GPC5: variants seen among roughly 807,000 people sequenced by gnomAD.
GPC5 encodes glypican-5.
Under a neutral mutation model 53.9 loss-of-function variants are expected in GPC5, and 47 were observed. The ratio of observed to expected loss-of-function variants is 0.87; its 90% CI spans 0.69 to 1.11. The LOEUF (loss-of-function observed/expected upper bound fraction) is 1.11. Ranked by LOEUF, GPC5 falls within the 50% of genes most tolerant of loss-of-function variation. GPC5 has a pLI of 0.00. For missense variants in GPC5, 748 were observed against 713.1 expected, an observed-to-expected ratio of 1.05 and a Z score of -0.56; for synonymous variants, 286 against 263.3, an observed-to-expected ratio of 1.09 and a Z score of -0.84.
chr13:91,803,076 C>T (rs927616083), intron 5 of GPC5, among the ~76,000 whole-genome samples: 8 of 152,012 alleles, frequency 5.3e-5, no homozygotes, highest in African/African-American at 1.9e-4. Context: ...GTACCCAGAA[C>T]TCAAACAATT....
chr13:92,437,836 G>A (rs1877375082), intron 7 of GPC5, among the ~76,000 whole-genome samples: 1 of 152,068 alleles, frequency 6.6e-6, no homozygotes, highest in South Asian at 2.1e-4. Context: ...GTTATTAGCA[G>A]AAATGGGATG....
intron 7 of GPC5, among the ~76,000 whole-genome samples, chr13:92,663,697 ATATT>A (rs1442163465): frequency 1.4e-5 from 2 of 142,412 alleles, no homozygotes; most frequent in Admixed American, 1.5e-4. Context: ...TCTACTATAT[ATATT>A]ATATATCTAC....
intron 3 of GPC5, among the ~76,000 whole-genome samples, chr13:91,697,835 G>T (rs1394731238): frequency 4.6e-5 from 7 of 151,120 alleles, no homozygotes; most frequent in Admixed American, 4.0e-4. Flanking sequence ...GTTCTAAACA[G>T]AACAAATGTT....
chr13:92,627,285 G>A (rs1350155058), intron 7 of GPC5, among the ~76,000 whole-genome samples: 1 of 152,176 alleles, frequency 6.6e-6, no homozygotes, highest in Non-Finnish European at 1.5e-5. Flanking sequence ...TCCCAATGAA[G>A]AGAGCATGGC....
intron 7 of GPC5, chr13:92,658,953 G>A (rs1886237885): frequency 8.2e-6 from 1 of 121,390 alleles, no homozygotes; most frequent in Admixed American, 9.3e-5. Flanking sequence ...TTTTGAGACG[G>A]AGTCTCGCTC....
At chr13:92,654,753 CA>C (rs36012771) in intron 7 of GPC5, among the ~76,000 whole-genome samples, 35,914 of 148,264 alleles carry the variant, frequency 0.24, 4,920 homozygotes, top group South Asian at 0.38. Context: ...TTGTATTCAT[CA>C]AAAAAAAAAA....
chr13:92,668,775 A>G (rs1258403212), intron 7 of GPC5, among the ~76,000 whole-genome samples: 1 of 152,134 alleles, frequency 6.6e-6, no homozygotes, highest in Non-Finnish European at 1.5e-5. Flanking sequence ...TTTAAATAAT[A>G]ATGATTACAT....
intron 7 of GPC5, chr13:92,448,059 G>GA (rs1877905407): frequency 6.6e-6 from 1 of 152,022 alleles, no homozygotes; most frequent in Non-Finnish European, 1.5e-5. Flanking sequence ...GGTGATTGAA[G>GA]AAAATGCAGC....
chr13:91,693,336 C>A lies in GPC5; in HGVS notation c.475C>A (p.Pro159Thr), dbSNP rs201542520. The change falls in exon 3 of 8, where the codon CCT (proline) becomes ACT (threonine). Residue 159 changes from proline to threonine, a missense_variant. Coordinates refer to ENST00000377067, the MANE Select transcript of GPC5 (RefSeq NM_004466.6). ...GTATTTATTTGGTGCGGATGTTAATCCTGAAGAATTTGTAAACAGATTTTT... is the reference window on the plus strand; with the variant it reads ...GTATTTATTTGGTGCGGATGTTAATACTGAAGAATTTGTAAACAGATTTTT... ...GLYLFGADVN[P>T]EEFVNRFFDS... The A allele has an allele frequency of 1.5e-4, 247 of 1,613,948 alleles. 3 individuals carry two copies. The highest frequency in any genetic ancestry group is 9.9e-4 in the Middle Eastern group (6 of 6,084).
chr13:92,524,897 G>C (rs866378952), intron 7 of GPC5, among the ~76,000 whole-genome samples: 1 of 152,088 alleles, frequency 6.6e-6, no homozygotes, highest in African/African-American at 2.4e-5. Flanking sequence ...ATGGAGATGC[G>C]TAGGGATGAA....
At chr13:91,994,543 T>A (rs1012688441) in intron 6 of GPC5, 5 of 152,328 alleles carry the variant, frequency 3.3e-5, no homozygotes, top group Admixed American at 2.6e-4. Context: ...GCACAGTCTT[T>A]TAATCATATC....
intron 7 of GPC5, among the ~76,000 whole-genome samples, chr13:92,702,791 G>T (rs1440534083): frequency 6.6e-6 from 1 of 152,016 alleles, no homozygotes; most frequent in Non-Finnish European, 1.5e-5. Context: ...CAGAGAAAAA[G>T]CTAATCGGTG....
At chr13:92,453,882 C>T (rs1001797083) in intron 7 of GPC5, among the ~76,000 whole-genome samples, 1 of 152,106 alleles carries the variant, frequency 6.6e-6, no homozygotes, top group Non-Finnish European at 1.5e-5. Flanking sequence ...AAGGGCAGGG[C>T]ATGTTATTAT....
chr13:91,894,410 T>A (rs1368107141), intron 5 of GPC5, among the ~76,000 whole-genome samples: 1 of 152,204 alleles, frequency 6.6e-6, no homozygotes, highest in Non-Finnish European at 1.5e-5. Flanking sequence ...TGCAGTCTCT[T>A]AATTTTGTAC....
intron 2 of GPC5, among the ~76,000 whole-genome samples, chr13:91,614,160 A>G (rs892569331): frequency 1.3e-5 from 2 of 152,174 alleles, no homozygotes; most frequent in African/African-American, 4.8e-5. Context: ...CGAGTGGGAG[A>G]TGCAATCACA....
chr13:92,447,678 C>T (rs1877884327), intron 7 of GPC5: 1 of 152,024 alleles, frequency 6.6e-6, no homozygotes, highest in African/African-American at 2.4e-5. Flanking sequence ...AGTAATTCCA[C>T]TTATTATTAC....
chr13:92,800,727 A>G (rs370986872), intron 7 of GPC5, among the ~76,000 whole-genome samples: 1 of 151,952 alleles, frequency 6.6e-6, no homozygotes, highest in Non-Finnish European at 1.5e-5. Context: ...TAAGCAATGA[A>G]TGGTTTCTTC....
intron 7 of GPC5, among the ~76,000 whole-genome samples, chr13:92,372,952 G>A (rs115768398): frequency 6.6e-6 from 1 of 152,112 alleles, no homozygotes; most frequent in Non-Finnish European, 1.5e-5. Context: ...TTTAAAGTTT[G>A]TAGATAATAT....
intron 6 of GPC5, among the ~76,000 whole-genome samples, chr13:91,992,097 T>C (rs554681290): frequency 6.6e-6 from 1 of 152,208 alleles, no homozygotes; most frequent in Non-Finnish European, 1.5e-5. Context: ...GTGTGTGTAG[T>C]AGTGGTCATA....
Sources: allele counts gnomAD v4.1 joint callset (sites outside exome capture counted in the v4.1 genomes callset), GRCh38; gene constraint gnomAD v4.1.1; transcripts MANE v1.5; gene names NCBI Gene and HGNC (gene_info 2026-07-23, HGNC 2026-07-21).